Variants in CTIF observed in about 807,000 individuals in gnomAD.
CTIF encodes the protein cap binding complex dependent translation initiation factor, also known as CBP80/20-dependent translation initiation factor.
Under a neutral mutation model 66.0 loss-of-function variants are expected in CTIF, and 21 were observed. That is an observed-to-expected ratio of 0.32 (90% CI 0.23 to 0.46). The LOEUF (loss-of-function observed/expected upper bound fraction) is 0.46, where lower values mean the gene tolerates loss of function less well. Among genes scored for constraint, CTIF ranks in the 20% least tolerant of loss-of-function variants. CTIF has a pLI of 1.00. For synonymous variants in CTIF, 345 were observed against 326.4 expected (o/e 1.06, Z -0.62); for missense variants, 739 against 812.7 (o/e 0.91, Z 1.10).
chr18:48,684,401 T>A (rs967370422), intron 6 of CTIF, among the ~76,000 whole-genome samples: 4 of 152,192 alleles, frequency 2.6e-5, no homozygotes, highest in Non-Finnish European at 5.9e-5. Flanking sequence ...CTGTTTTTAC[T>A]ATTTTTTTCT....
intron 1 of CTIF, among the ~76,000 whole-genome samples, chr18:48,549,285 C>T (rs2088828404): frequency 6.6e-6 from 1 of 152,174 alleles, no homozygotes; most frequent in African/African-American, 2.4e-5. Context: ...GCTCAGTTTA[C>T]AGCCACAGGG....
chr18:48,716,457 G>A (rs1192477060), intron 7 of CTIF, among the ~76,000 whole-genome samples: 1 of 152,184 alleles, frequency 6.6e-6, no homozygotes, highest in Non-Finnish European at 1.5e-5. Context: ...GAGGAGCGGT[G>A]CTTGCTGCCT....
At chr18:48,551,559 C>A (rs79521170) in intron 1 of CTIF, among the ~76,000 whole-genome samples, 7 of 152,132 alleles carry the variant, frequency 4.6e-5, no homozygotes, top group African/African-American at 1.7e-4. Flanking sequence ...GACTTCACCC[C>A]CTAAGTGTAT....
intron 9 of CTIF, among the ~76,000 whole-genome samples, chr18:48,775,373 C>T (rs1910571238): frequency 6.6e-6 from 1 of 152,244 alleles, no homozygotes; most frequent in Non-Finnish European, 1.5e-5. Context: ...TTTGATGATT[C>T]CATTCATTCA....
intron 5 of CTIF, among the ~76,000 whole-genome samples, chr18:48,665,128 A>G (rs950616807): frequency 2.6e-5 from 4 of 151,316 alleles, no homozygotes; most frequent in African/African-American, 9.7e-5. Context: ...GTTAGCCAGG[A>G]TGGTCTCGAT....
intron 1 of CTIF, among the ~76,000 whole-genome samples, chr18:48,554,154 C>T (rs2088960373): frequency 1.3e-5 from 2 of 152,156 alleles, no homozygotes; most frequent in African/African-American, 4.8e-5. Context: ...TTGTTGGTGC[C>T]ACCAGGGGTC....
At chr18:48,843,520 C>A (rs1345173657) in intron 10 of CTIF, among the ~76,000 whole-genome samples, 1 of 152,142 alleles carries the variant, frequency 6.6e-6, no homozygotes, top group Middle Eastern at 3.2e-3. Context: ...CCCAGCTACC[C>A]AGCCCCTAGA....
At chr18:48,783,301 G>A (rs76575902) in intron 9 of CTIF, among the ~76,000 whole-genome samples, 4,070 of 152,230 alleles carry the variant, frequency 0.027, 184 homozygotes, top group African/African-American at 0.093. Context: ...AAAAGTCGTC[G>A]ACTGCCCTTT....
intron 10 of CTIF, among the ~76,000 whole-genome samples, chr18:48,855,103 A>G (rs1002548875): frequency 6.6e-6 from 1 of 152,204 alleles, no homozygotes; most frequent in African/African-American, 2.4e-5. Flanking sequence ...GGCGCTCGGC[A>G]GGTACTTGTG....
At chr18:48,577,113 T>A (rs560475840) in intron 1 of CTIF, among the ~76,000 whole-genome samples, 1 of 152,148 alleles carries the variant, frequency 6.6e-6, no homozygotes, top group South Asian at 2.1e-4. Context: ...GAGGAGAAAA[T>A]CACAAACAGA....
chr18:48,780,284 GA>G (rs1306318363), intron 9 of CTIF, among the ~76,000 whole-genome samples: 1 of 152,208 alleles, frequency 6.6e-6, no homozygotes, highest in Non-Finnish European at 1.5e-5. Flanking sequence ...CAGTCCTCTA[GA>G]AACCCTTCTA....
chr18:48,717,211 T>C (rs1370230772), intron 7 of CTIF, among the ~76,000 whole-genome samples: 2 of 151,860 alleles, frequency 1.3e-5, no homozygotes, highest in Admixed American at 6.6e-5. Flanking sequence ...ACTAGCCTGA[T>C]CAACATGGAG....
rs552335637 is a variant in CTIF at position 48,595,305 on chromosome 18, G to A, written c.-28-24233G>A. On this transcript the variant is annotated intron_variant, in intron 1 of 11. Coordinates refer to ENST00000256413, the MANE Select transcript of CTIF (RefSeq NM_014772.3). The stretch of plus-strand genomic sequence containing the variant: ...TGAGAGCAAAGGGGAGAGTGGGAGC[G>A]GCTCCCTTCCAGGTCTCAGTTAGGA... Among the ~76,000 whole-genome samples the A allele has an allele frequency of 5.9e-5, 9 of 152,260 alleles. No individual in the cohort carries two copies. The South Asian group carries it at 1.2e-3, about 21-fold the overall frequency.
At chr18:48,729,485 C>G (rs1395112693) in intron 7 of CTIF, among the ~76,000 whole-genome samples, 1 of 152,208 alleles carries the variant, frequency 6.6e-6, no homozygotes, top group Non-Finnish European at 1.5e-5. Flanking sequence ...CTCCCCCAGC[C>G]TTTCTCACAG....
At chr18:48,805,515 C>T (rs956583821) in intron 9 of CTIF, among the ~76,000 whole-genome samples, 2 of 152,094 alleles carry the variant, frequency 1.3e-5, no homozygotes, top group African/African-American at 2.4e-5. Flanking sequence ...GCTACATTGA[C>T]GTCAACTGTG....
chr18:48,782,730 G>A (rs191073008), intron 9 of CTIF, among the ~76,000 whole-genome samples: 4 of 152,304 alleles, frequency 2.6e-5, no homozygotes, highest in East Asian at 1.9e-4. Context: ...GTCCAACCTC[G>A]GCTTGGGTTC....
chr18:48,797,805 C>T (rs1490261852), intron 9 of CTIF, among the ~76,000 whole-genome samples: 1 of 152,118 alleles, frequency 6.6e-6, no homozygotes, highest in East Asian at 1.9e-4. Flanking sequence ...TGTGAGGTAA[C>T]AGGGAGCATC....
At chr18:48,581,975 T>C (rs1306933328) in intron 1 of CTIF, among the ~76,000 whole-genome samples, 1 of 151,500 alleles carries the variant, frequency 6.6e-6, no homozygotes, top group Non-Finnish European at 1.5e-5. Context: ...CCCAGAAGGA[T>C]GATGGGTTTG....
intron 2 of CTIF, among the ~76,000 whole-genome samples, chr18:48,633,950 A>G (rs1410612725): frequency 6.6e-6 from 1 of 152,218 alleles, no homozygotes; most frequent in Non-Finnish European, 1.5e-5. Flanking sequence ...TAACATTGGT[A>G]CAATGCTCTT....
Sources: allele counts gnomAD v4.1 joint callset (sites outside exome capture counted in the v4.1 genomes callset), GRCh38; gene constraint gnomAD v4.1.1; transcripts MANE v1.5; gene names NCBI Gene and HGNC (gene_info 2026-07-23, HGNC 2026-07-21).